The following MIS18A variants were observed in gnomAD, a reference collection of about 807,000 sequenced individuals.
The protein encoded by MIS18A is protein Mis18-alpha.
In MIS18A, 14 loss-of-function variants were observed where a neutral mutation model predicts 25.0. The observed-to-expected ratio is 0.56, with a 90% CI of 0.37 to 0.88. MIS18A has a LOEUF of 0.88. Ranked by LOEUF, MIS18A falls within the 40% of genes least tolerant of loss-of-function variation. The pLI, the probability that MIS18A is intolerant of heterozygous loss-of-function variation, is 0.00. For synonymous variants in MIS18A, 134 were observed against 118.6 expected (o/e 1.13, Z -0.84); for missense variants, 292 against 290.8 (o/e 1.00, Z -0.03).
chr21:32,269,462 TA>T, intron 4 of MIS18A: 1 of 457,690 alleles, frequency 2.2e-6, no homozygotes, highest in Non-Finnish European at 3.9e-6. Context: ...GATGTATTTC[TA>T]GCTTTGCAGT....
chr21:32,215,935 A>G, the MIS18A span, among the ~76,000 whole-genome samples: 1 of 152,210 alleles, frequency 6.6e-6, no homozygotes, highest in Non-Finnish European at 1.5e-5. Context: ...GATCATAACA[A>G]AAAGGTCTAA....
chr21:32,252,498 A>G, the MIS18A span, among the ~76,000 whole-genome samples: 11 of 152,360 alleles, frequency 7.2e-5, no homozygotes, highest in African/African-American at 2.2e-4. Context: ...CTTGATCAGC[A>G]TTGGATAACT....
At chr21:32,165,532 T>C in the MIS18A span, among the ~76,000 whole-genome samples, 1 of 151,664 alleles carries the variant, frequency 6.6e-6, no homozygotes, top group Non-Finnish European at 1.5e-5. Flanking sequence ...GGCACTTTCT[T>C]AGGATTTCCT....
chr21:32,155,820 T>C, the MIS18A span, among the ~76,000 whole-genome samples: 1 of 152,204 alleles, frequency 6.6e-6, no homozygotes, highest in Non-Finnish European at 1.5e-5. Context: ...GCCTGATGAT[T>C]TGCATAAAAT....
chr21:32,247,132 T>G, the MIS18A span, among the ~76,000 whole-genome samples: 1 of 152,214 alleles, frequency 6.6e-6, no homozygotes, highest in Non-Finnish European at 1.5e-5. Context: ...TTAGAATCAC[T>G]GAATCATGGG....
the MIS18A span, among the ~76,000 whole-genome samples, chr21:32,177,129 C>T: frequency 6.6e-6 from 1 of 152,020 alleles, no homozygotes; most frequent in African/African-American, 2.4e-5. Context: ...GGGTTTATTC[C>T]AGATAGACGA....
the MIS18A span, among the ~76,000 whole-genome samples, chr21:32,198,643 T>G: frequency 6.6e-6 from 1 of 152,208 alleles, no homozygotes; most frequent in Non-Finnish European, 1.5e-5. Flanking sequence ...AGTGAGGGGC[T>G]GTCCCTGAGG....
At chr21:32,172,824 A>AT in the MIS18A span, among the ~76,000 whole-genome samples, 1 of 152,128 alleles carries the variant, frequency 6.6e-6, no homozygotes, top group African/African-American at 2.4e-5. Context: ...TGGCAAATTT[A>AT]TTTTTGACAA....
intron 3 of MIS18A, among the ~76,000 whole-genome samples, 171 bp from the exon 4 acceptor site, chr21:32,269,974 T>C (rs2031682706): frequency 6.6e-6 from 1 of 152,038 alleles, no homozygotes; most frequent in Non-Finnish European, 1.5e-5. Flanking sequence ...CTTGGGAGGC[T>C]GAGGCAGGAG....
Position 32,270,427 on chromosome 21 carries a change from G to C in MIS18A, c.504C>G (p.Leu168=). 6.2e-7 allele frequency: 1 copy of C among 1,613,832 alleles called. No homozygotes were observed. The highest frequency in any genetic ancestry group is 8.5e-7 in the Non-Finnish European group (1 of 1,179,934). Residue 168 remains leucine, a synonymous_variant, in exon 3 of 5, where the codon CTC becomes CTG. Transcript: ENST00000290130. The part of the protein sequence containing the change: ...NLDYKRDLFC[L]SVEAIESYVL... Reference sequence around the variant, plus strand: ...CTTACCTTTCAATGGCTTCAACACTGAGGCAAAACAAGTCTCTCTTGTAAT... The same window carrying C: ...CTTACCTTTCAATGGCTTCAACACTCAGGCAAAACAAGTCTCTCTTGTAAT...
At chr21:32,269,276 AT>A (rs1569013468) in intron 4 of MIS18A, among the ~76,000 whole-genome samples, 159 bp from the exon 5 acceptor site, 3 of 152,216 alleles carry the variant, frequency 2.0e-5, no homozygotes, top group Admixed American at 2.0e-4. Flanking sequence ...AGAGGCATAA[AT>A]TTTTTAAAAA....
downstream of MIS18A, among the ~76,000 whole-genome samples, chr21:32,266,967 AACACACAC>A (rs199958126): frequency 3.4e-3 from 505 of 149,514 alleles, 3 homozygotes; most frequent in African/African-American, 0.011. Flanking sequence ...GGACAAGTTA[AACACACAC>A]ACACACACAC....
chr21:32,204,302 G>C, the MIS18A span, among the ~76,000 whole-genome samples: 34 of 152,070 alleles, frequency 2.2e-4, no homozygotes, highest in South Asian at 6.9e-3. Context: ...TTCAAGACCA[G>C]CCTGGCCAAG....
chr21:32,212,272 G>C, the MIS18A span, among the ~76,000 whole-genome samples: 2 of 152,182 alleles, frequency 1.3e-5, no homozygotes, highest in African/African-American at 4.8e-5. Context: ...CAATCAGAAG[G>C]CATGACTTTA....
chr21:32,238,757 T>C, the MIS18A span, among the ~76,000 whole-genome samples: 2 of 152,208 alleles, frequency 1.3e-5, no homozygotes, highest in Non-Finnish European at 1.5e-5. Context: ...ACCACTCTAG[T>C]GACTTCTGTA....
chr21:32,161,229 G>A, the MIS18A span, among the ~76,000 whole-genome samples: 5 of 152,210 alleles, frequency 3.3e-5, no homozygotes, highest in African/African-American at 1.2e-4. Context: ...GAATCCCATC[G>A]AGGATACAAA....
At chr21:32,154,938 C>T in the MIS18A span, among the ~76,000 whole-genome samples, 1 of 152,082 alleles carries the variant, frequency 6.6e-6, no homozygotes, top group Non-Finnish European at 1.5e-5. Flanking sequence ...GCAAGACTGA[C>T]TTATTTTTAA....
the MIS18A span, among the ~76,000 whole-genome samples, chr21:32,209,390 C>G: frequency 1.3e-5 from 2 of 152,184 alleles, no homozygotes; most frequent in African/African-American, 4.8e-5. Context: ...GGGGCTGAAC[C>G]TTGGCTCTAC....
At chr21:32,183,986 T>G in the MIS18A span, among the ~76,000 whole-genome samples, 1 of 152,214 alleles carries the variant, frequency 6.6e-6, no homozygotes, top group African/African-American at 2.4e-5. Flanking sequence ...CATCTGCGTT[T>G]TTCAAAATAC....
Sources: allele counts gnomAD v4.1 joint callset (sites outside exome capture counted in the v4.1 genomes callset), GRCh38; gene constraint gnomAD v4.1.1; transcripts MANE v1.5; gene names NCBI Gene and HGNC (gene_info 2026-07-23, HGNC 2026-07-21).